The following KLF12 variants were observed in gnomAD, a reference collection of about 807,000 sequenced individuals.
The protein encoded by KLF12 is KLF transcription factor 12, also known as Krueppel-like factor 12.
In KLF12, 9 loss-of-function variants were observed where a neutral mutation model predicts 37.8. The ratio of observed to expected loss-of-function variants is 0.24; its 90% CI spans 0.14 to 0.42. KLF12 has a LOEUF of 0.42. Among genes scored for constraint, KLF12 ranks in the 10% least tolerant of loss-of-function variants. KLF12 has a pLI of 1.00. For synonymous variants in KLF12, 208 were observed against 202.1 expected (o/e 1.03, Z -0.25); for missense variants, 411 against 516.0 (o/e 0.80, Z 1.97).
chr13:73,983,479 CAGT>C (rs1431297742), intron 2 of KLF12, among the ~76,000 whole-genome samples: 1 of 152,180 alleles, frequency 6.6e-6, no homozygotes, highest in East Asian at 1.9e-4. Context: ...CGTGTCCTCC[CAGT>C]TACTGCCTGC....
intron 1 of KLF12, among the ~76,000 whole-genome samples, chr13:74,051,327 TACATACACACACAAAC>T (rs949105480): frequency 8.8e-6 from 1 of 113,620 alleles, no homozygotes; most frequent in Admixed American, 1.0e-4. Context: ...GGTGTGTGTA[TACATACACACACAAAC>T]ACACACACAC....
At chr13:74,265,833 T>C in the KLF12 span, among the ~76,000 whole-genome samples, 1 of 152,226 alleles carries the variant, frequency 6.6e-6, no homozygotes, top group South Asian at 2.1e-4. Flanking sequence ...AAGTCCTGGA[T>C]CTCACCTTCC....
intron 6 of KLF12, among the ~76,000 whole-genome samples, chr13:73,761,099 A>G (rs1879518657): frequency 6.6e-6 from 1 of 151,664 alleles, no homozygotes; most frequent in African/African-American, 2.4e-5. Flanking sequence ...TGTGGGTCTG[A>G]TATTAGGATA....
Position 73,899,846 on chromosome 13 carries a change from C to T in KLF12, c.123+44135G>A, listed in dbSNP as rs555339463. Among the ~76,000 whole-genome samples, 38 of 152,202 alleles carry T rather than the reference C, an allele frequency of 2.5e-4. 1 individual carries two copies. Among genetic ancestry groups the T allele is most frequent in the Admixed American group, 1.0e-3 (16 of 15,284 alleles). On this transcript the variant is annotated intron_variant, in intron 3 of 7. Coordinates refer to ENST00000377669, the MANE Select transcript of KLF12 (RefSeq NM_007249.5). ...TTGGGACTTGGACTGACAGTTATAC[C>T]ACTAACTTACCTGGTTCTCCAGCTT...
At chr13:73,944,382 C>T (rs138521252) in intron 2 of KLF12, among the ~76,000 whole-genome samples, 3 of 152,278 alleles carry the variant, frequency 2.0e-5, no homozygotes, top group Admixed American at 2.0e-4. Flanking sequence ...ATCACACTTT[C>T]ACAATAGTGG....
At chr13:73,971,016 G>A (rs1189058025) in intron 2 of KLF12, among the ~76,000 whole-genome samples, 1 of 152,120 alleles carries the variant, frequency 6.6e-6, no homozygotes, top group Non-Finnish European at 1.5e-5. Context: ...AAAGTTGTCA[G>A]TAGTTTTCAA....
At chr13:74,256,148 C>A in the KLF12 span, among the ~76,000 whole-genome samples, 1 of 142,652 alleles carries the variant, frequency 7.0e-6, no homozygotes, top group South Asian at 2.2e-4. Flanking sequence ...GAGTGAGACT[C>A]TGTCTCAAAA....
chr13:74,157,604 C>CTTA, the KLF12 span, among the ~76,000 whole-genome samples: 1 of 152,098 alleles, frequency 6.6e-6, no homozygotes, highest in African/African-American at 2.4e-5. Flanking sequence ...AGGTGGTCAC[C>CTTA]TTACAGCCAT....
chr13:73,733,443 C>T (rs972425170), intron 6 of KLF12, among the ~76,000 whole-genome samples: 7 of 152,098 alleles, frequency 4.6e-5, no homozygotes, highest in African/African-American at 1.7e-4. Context: ...TTTCACTTAG[C>T]ATAAAGTTTT....
intron 5 of KLF12, among the ~76,000 whole-genome samples, chr13:73,783,740 T>C (rs1881129724): frequency 1.3e-5 from 2 of 152,164 alleles, no homozygotes; most frequent in Non-Finnish European, 2.9e-5. Context: ...CCCAAGAGTA[T>C]GCAATTTGGA....
chr13:73,766,400 A>G (rs1244500513), intron 5 of KLF12, among the ~76,000 whole-genome samples: 1 of 152,218 alleles, frequency 6.6e-6, no homozygotes, highest in Non-Finnish European at 1.5e-5. Flanking sequence ...AGAGGGGGAA[A>G]ACGCAATAAT....
chr13:74,191,985 C>T, the KLF12 span, among the ~76,000 whole-genome samples: 2 of 151,986 alleles, frequency 1.3e-5, no homozygotes, highest in East Asian at 1.9e-4. Flanking sequence ...CTTCAAATTA[C>T]CTATGTTGAC....
chr13:73,768,514 A>C lies in KLF12; in HGVS notation c.807-3514T>G, dbSNP rs1880065629. Among the ~76,000 whole-genome samples the C allele has an allele frequency of 4.0e-5, 6 of 151,758 alleles. No homozygotes were observed. The South Asian group carries it at 1.3e-3, about 32-fold the overall frequency. ...CATGGGCAGAATAATACAAACCAAA[A>C]ACTATGGCTTATAAGGTATGGCTTA... On this transcript the variant is annotated intron_variant, in intron 5 of 7. Transcript: ENST00000377669.
intron 3 of KLF12, among the ~76,000 whole-genome samples, chr13:73,886,960 C>T (rs1887251755): frequency 6.7e-6 from 1 of 149,874 alleles, no homozygotes; most frequent in Admixed American, 6.7e-5. Context: ...CCATTGTACT[C>T]CAGCCTGGGC....
At chr13:74,026,914 T>C (rs1034765239) in intron 1 of KLF12, among the ~76,000 whole-genome samples, 20 of 152,174 alleles carry the variant, frequency 1.3e-4, no homozygotes, top group Non-Finnish European at 2.6e-4. Flanking sequence ...TTCAGGTCTT[T>C]TCCTGTGTGA....
intron 7 of KLF12, among the ~76,000 whole-genome samples, chr13:73,699,002 C>T (rs1271004794): frequency 2.0e-5 from 3 of 152,050 alleles, no homozygotes; most frequent in East Asian, 1.9e-4. Flanking sequence ...CAGTGATAAA[C>T]ACACATGATA....
At chr13:74,179,118 C>T in the KLF12 span, among the ~76,000 whole-genome samples, 2 of 152,292 alleles carry the variant, frequency 1.3e-5, no homozygotes, top group South Asian at 2.1e-4. Flanking sequence ...GGCTGCGAGC[C>T]TGGACCATCA....
At chr13:74,089,625 C>T (rs548511120) in intron 1 of KLF12, among the ~76,000 whole-genome samples, 5 of 151,376 alleles carry the variant, frequency 3.3e-5, no homozygotes, top group East Asian at 1.9e-4. Flanking sequence ...ATCCCAGGTA[C>T]GCAAGGTTGG....
At chr13:73,846,956 A>G (rs1283656366) in intron 3 of KLF12, among the ~76,000 whole-genome samples, 1 of 152,224 alleles carries the variant, frequency 6.6e-6, no homozygotes, top group Non-Finnish European at 1.5e-5. Context: ...TAATAATTTA[A>G]GAAAAACTTA....
Sources: allele counts gnomAD v4.1 joint callset (sites outside exome capture counted in the v4.1 genomes callset), GRCh38; gene constraint gnomAD v4.1.1; transcripts MANE v1.5; gene names NCBI Gene and HGNC (gene_info 2026-07-23, HGNC 2026-07-21).